HOOK1: variants seen among roughly 807,000 people sequenced by gnomAD.
HOOK1 encodes the protein hook microtubule tethering protein 1.
A neutral mutation model predicts 112.8 loss-of-function variants in HOOK1; 60 were observed. The ratio of observed to expected loss-of-function variants is 0.53; its 90% CI spans 0.43 to 0.66. HOOK1 has a LOEUF of 0.66. Among genes scored for constraint, HOOK1 ranks in the 30% least tolerant of loss-of-function variants. The pLI is 0.00. For missense variants in HOOK1, 770 were observed against 856.0 expected, an observed-to-expected ratio of 0.90 and a Z score of 1.25; for synonymous variants, 294 against 283.8, an observed-to-expected ratio of 1.04 and a Z score of -0.36.
chr1:59,870,043 G>A (rs1034822417), intron 20 of HOOK1, among the ~76,000 whole-genome samples: 4 of 152,118 alleles, frequency 2.6e-5, no homozygotes, highest in Non-Finnish European at 5.9e-5. Flanking sequence ...GTAACTTCTT[G>A]TCTTAAAATA....
chr1:59,854,341 C>T (rs1208724571), intron 12 of HOOK1, among the ~76,000 whole-genome samples: 2 of 151,704 alleles, frequency 1.3e-5, no homozygotes, highest in African/African-American at 4.8e-5. Context: ...TAAGCCACCG[C>T]GCCCAGCCAT....
Position 59,872,840 on chromosome 1 carries a change from G to T in HOOK1, c.2062G>T (p.Gly688Cys). The T allele has an allele frequency of 6.8e-7, 1 of 1,476,834 alleles. No homozygotes were observed. Among genetic ancestry groups the T allele is most frequent in the Non-Finnish European group, 9.1e-7 (1 of 1,100,256 alleles). 91.5% of individuals were successfully genotyped at this position (1,476,834 alleles called of 1,614,324 possible). ...KLGMESRLVSGGGACSDTGAC... is the reference protein window; with the variant it reads ...KLGMESRLVSCGGACSDTGAC... Reference sequence around the variant, plus strand: ...GGGGATGGAATCTAGACTTGTGAGCGGCGGTGGTGCCTGCAGTGACACTGG... The same window carrying T: ...GGGGATGGAATCTAGACTTGTGAGCTGCGGTGGTGCCTGCAGTGACACTGG... Residue 688 changes from glycine to cysteine, a missense_variant, in exon 22 of 22, where the codon GGC (glycine) becomes TGC (cysteine). Gly to Cys is a radical substitution (Grantham distance 159). Coordinates refer to ENST00000371208, the MANE Select transcript of HOOK1 (RefSeq NM_015888.6).
chr1:59,865,899 C>A lies in HOOK1; in HGVS notation c.1772C>A (p.Ala591Asp). 6.3e-7 allele frequency: 1 copy of A among 1,587,934 alleles called. No individual in the cohort carries two copies. The highest frequency in any genetic ancestry group is 1.1e-5 in the South Asian group (1 of 87,978). ...NVQKINELEAALQKKDEDMKA... is the reference protein window; with the variant it reads ...NVQKINELEADLQKKDEDMKA... Reference sequence around the variant, plus strand: ...CAAAAGATCAATGAACTTGAAGCTGCTCTTCAGAAGAAAGATGAAGATATG... The same window carrying A: ...CAAAAGATCAATGAACTTGAAGCTGATCTTCAGAAGAAAGATGAAGATATG... The change falls in exon 19 of 22, where the codon GCT becomes GAT. Residue 591 changes from alanine to aspartate, a missense_variant. Ala to Asp is a moderately radical substitution (Grantham distance 126). Around this residue, in one of 3 missense-constraint regions of HOOK1, gnomAD observed 655 missense variants for 725.9 expected, o/e 0.90. Transcript: ENST00000371208.
At position 59,873,085 on chromosome 1, in the gene HOOK1, T is replaced by C; in HGVS notation, c.*120T>C. On this transcript the variant is annotated 3_prime_UTR_variant, in exon 22 of 22. Coordinates refer to ENST00000371208, the MANE Select transcript of HOOK1 (RefSeq NM_015888.6). ...AGAGTTTATGATGCGGGATATCAGG[T>C]ATTTTAAAATCAACATGCATCAAAT... 2 of 815,978 alleles carry C rather than the reference T, an allele frequency of 2.5e-6. No individual in the cohort carries two copies. The highest frequency in any genetic ancestry group is 6.5e-5 in the East Asian group (2 of 30,786). 50.5% of individuals were successfully genotyped at this position (815,978 alleles called of 1,614,324 possible).
At chr1:59,864,596 T>C (rs370580828) in intron 16 of HOOK1, 36 bp from the exon 17 acceptor site, 13 of 1,379,070 alleles carry the variant, frequency 9.4e-6, no homozygotes, top group Non-Finnish European at 1.3e-5. Flanking sequence ...TTTGTCAAGA[T>C]AGTCATCTTA....
chr1:59,823,116 C>G (rs748918635), intron 2 of HOOK1, among the ~76,000 whole-genome samples: 1 of 152,164 alleles, frequency 6.6e-6, no homozygotes, highest in Non-Finnish European at 1.5e-5. Context: ...GTCAGCAGAT[C>G]GAGACCATCC....
chr1:59,859,090 A>G lies in HOOK1; in HGVS notation c.1391+45A>G, dbSNP rs779820523. On this transcript the variant is annotated intron_variant, in intron 14 of 21. Transcript: ENST00000371208. ...TGATAGAATTATATTTAATATTATA[A>G]TTTTTTTGTTTTTTGTAAATGTCTT... 1.1e-5 allele frequency: 11 copies of G among 972,716 alleles called. No homozygotes were observed. The South Asian group carries it at 2.7e-4, about 24-fold the overall frequency. 60.3% of individuals were successfully genotyped at this position (972,716 alleles called of 1,614,324 possible).
rs1363850454 is a variant in HOOK1, at chr1:59,863,843, C to T, written c.1627-789C>T. ...AAAATAGAAATCGTCTCATGCATGG[C>T]GGCATCTCATATGTGCATATATACG... On this transcript the variant is annotated intron_variant, in intron 16 of 21. Coordinates refer to ENST00000371208, the MANE Select transcript of HOOK1 (RefSeq NM_015888.6). 15 of 968,922 alleles carry T rather than the reference C, an allele frequency of 1.5e-5. No homozygotes were observed. In the South Asian group the frequency reaches 5.3e-4, roughly 34 times the overall value. The allele number at this position is 968,922 out of a possible 1,614,324, so 60.0% of individuals were successfully genotyped here.
intron 8 of HOOK1, among the ~76,000 whole-genome samples, chr1:59,841,020 A>G (rs1273883614): frequency 1.3e-5 from 2 of 152,098 alleles, no homozygotes; most frequent in Non-Finnish European, 2.9e-5. Context: ...ATTATCCTGT[A>G]CTTCAGTTTT....
intron 20 of HOOK1, 114 bp from the exon 21 acceptor site, chr1:59,870,928 C>T: frequency 1.4e-6 from 1 of 703,294 alleles, no homozygotes; most frequent in East Asian, 2.7e-5. Context: ...TTGTGTGCCT[C>T]ACAAGTGCAA....
chr1:59,835,313 T>C (rs1425759006), intron 5 of HOOK1, 32 bp from the exon 6 acceptor site: 1 of 1,271,712 alleles, frequency 7.9e-7, no homozygotes, highest in Non-Finnish European at 1.1e-6. Context: ...AAAGAGTAGA[T>C]TTTTTTCAGA....
chr1:59,847,027 CTTT>C lies in HOOK1; in HGVS notation c.789-14_789-12del. The C allele has an allele frequency of 6.4e-7, 1 of 1,560,030 alleles. No individual in the cohort carries two copies. The highest frequency in any genetic ancestry group is 8.6e-7 in the Non-Finnish European group (1 of 1,158,230). ...AAATCATGGAAGTTATAAATACTTACTTTTTTATTTGTTCAAGGCTTGAAGCTG... is the reference window on the plus strand; with the variant it reads ...AAATCATGGAAGTTATAAATACTTACTTTATTTGTTCAAGGCTTGAAGCTG... On this transcript the variant is annotated splice_polypyrimidine_tract_variant and intron_variant, in intron 9 of 21. Transcript: ENST00000371208.
intron 2 of HOOK1, among the ~76,000 whole-genome samples, chr1:59,827,529 C>G (rs1285311668): frequency 6.6e-6 from 1 of 152,116 alleles, no homozygotes; most frequent in Non-Finnish European, 1.5e-5. Context: ...AAGTAAATAC[C>G]TGGTTAGCAG....
intron 21 of HOOK1, among the ~76,000 whole-genome samples, chr1:59,872,195 C>G (rs1644065443): frequency 6.6e-6 from 1 of 152,072 alleles, no homozygotes; most frequent in African/African-American, 2.4e-5. Flanking sequence ...TAATGACTTC[C>G]CTTATAAGAA....
intron 3 of HOOK1, among the ~76,000 whole-genome samples, chr1:59,831,724 G>A (rs56680335): frequency 0.01 from 1,588 of 152,302 alleles, 20 homozygotes; most frequent in African/African-American, 0.036. Flanking sequence ...AAGACAGAAA[G>A]CTTGTACTAG....
At chr1:59,829,912 A>T (rs1320386556) in intron 3 of HOOK1, among the ~76,000 whole-genome samples, 3 of 151,936 alleles carry the variant, frequency 2.0e-5, no homozygotes, top group Non-Finnish European at 2.9e-5. Context: ...CTTTATTTTC[A>T]TTCAGTTCAA....
intron 9 of HOOK1, among the ~76,000 whole-genome samples, chr1:59,846,647 A>G (rs2098404223): frequency 7.3e-6 from 1 of 137,840 alleles, no homozygotes; most frequent in Non-Finnish European, 1.5e-5. Flanking sequence ...TCTAACATAG[A>G]CCTTTAAAAC....
intron 2 of HOOK1, among the ~76,000 whole-genome samples, chr1:59,825,118 C>T (rs1262535531): frequency 3.3e-5 from 5 of 152,194 alleles, no homozygotes; most frequent in Non-Finnish European, 7.3e-5. Context: ...CTGTCTGTGT[C>T]TCTTTTCTTA....
intron 16 of HOOK1, chr1:59,863,755 CA>C: frequency 1.6e-5 from 9 of 578,744 alleles, no homozygotes; most frequent in Non-Finnish European, 2.0e-5. Context: ...GAAAGAGTTG[CA>C]TTTTCTTTCT....
Sources: allele counts gnomAD v4.1 joint callset (sites outside exome capture counted in the v4.1 genomes callset), GRCh38; gene constraint gnomAD v4.1.1; regional missense constraint gnomAD v4.1.1; transcripts MANE v1.5; gene names NCBI Gene and HGNC (gene_info 2026-07-23, HGNC 2026-07-21).